The following RIMS2 variants were observed in gnomAD, a reference collection of about 807,000 sequenced individuals.
RIMS2 encodes the protein regulating synaptic membrane exocytosis protein 2.
Under a neutral mutation model 174.4 loss-of-function variants are expected in RIMS2, and 59 were observed. The ratio of observed to expected loss-of-function variants is 0.34; its 90% CI spans 0.27 to 0.42. The LOEUF is 0.42. Among genes scored for constraint, RIMS2 ranks in the 10% least tolerant of loss-of-function variants. The pLI is 1.00. For missense variants in RIMS2, 1,620 were observed against 1,666.3 expected (o/e 0.97, Z 0.48); for synonymous variants, 606 against 572.5 (o/e 1.06, Z -0.84).
At chr8:104,081,249 C>T (rs1422410798) in intron 19 of RIMS2, among the ~76,000 whole-genome samples, 2 of 151,796 alleles carry the variant, frequency 1.3e-5, no homozygotes, top group Non-Finnish European at 2.9e-5. Flanking sequence ...AAGCCCTTTT[C>T]GATTTTCTGC....
intron 1 of RIMS2, among the ~76,000 whole-genome samples, chr8:103,520,519 CAG>C (rs1683288205): frequency 6.6e-6 from 1 of 152,054 alleles, no homozygotes; most frequent in African/African-American, 2.4e-5. Context: ...AAAAAATAAA[CAG>C]TGTGCTGAAA....
intron 3 of RIMS2, among the ~76,000 whole-genome samples, chr8:103,831,595 A>T (rs1453060470): frequency 2.6e-5 from 4 of 152,118 alleles, no homozygotes; most frequent in Non-Finnish European, 5.9e-5. Context: ...TTTCATAATG[A>T]TATGAAATCT....
intron 19 of RIMS2, among the ~76,000 whole-genome samples, chr8:104,202,851 G>C (rs1455690364): frequency 6.6e-6 from 1 of 152,168 alleles, no homozygotes; most frequent in Non-Finnish European, 1.5e-5. Context: ...TAACACATGT[G>C]AAGAGATATA....
chr8:103,585,365 A>T (rs756241248), intron 1 of RIMS2, among the ~76,000 whole-genome samples: 3 of 152,132 alleles, frequency 2.0e-5, no homozygotes, highest in Admixed American at 6.6e-5. Context: ...TGTTTGACCC[A>T]GCAATCCCAT....
intron 19 of RIMS2, among the ~76,000 whole-genome samples, chr8:104,020,513 ATACT>A (rs2096061266): frequency 6.6e-6 from 1 of 152,044 alleles, no homozygotes; most frequent in African/African-American, 2.4e-5. Flanking sequence ...AGTCTTCAAA[ATACT>A]TACCTTTAAT....
intron 1 of RIMS2, among the ~76,000 whole-genome samples, chr8:103,578,454 C>A (rs999780614): frequency 6.6e-6 from 1 of 151,954 alleles, no homozygotes; most frequent in Non-Finnish European, 1.5e-5. Context: ...TCATTTGAGC[C>A]TGGGAGTTGA....
intron 2 of RIMS2, among the ~76,000 whole-genome samples, chr8:103,729,479 G>A (rs369429432): frequency 1.1e-4 from 17 of 151,540 alleles, no homozygotes; most frequent in African/African-American, 3.9e-4. Flanking sequence ...TTCTTAGTCT[G>A]GCTAAAGGTT....
intron 19 of RIMS2, among the ~76,000 whole-genome samples, chr8:104,243,967 T>C (rs1588151281): frequency 6.6e-6 from 1 of 152,164 alleles, no homozygotes; most frequent in Non-Finnish European, 1.5e-5. Context: ...TAAATGCACA[T>C]GGTCATCCCT....
intron 3 of RIMS2, among the ~76,000 whole-genome samples, chr8:103,784,394 G>A (rs1019127867): frequency 1.3e-5 from 2 of 149,446 alleles, no homozygotes; most frequent in African/African-American, 4.9e-5. Context: ...GGGTTTTTAT[G>A]GTTTTAGGTG....
At chr8:104,043,491 G>A (rs2096643495) in intron 19 of RIMS2, among the ~76,000 whole-genome samples, 1 of 151,592 alleles carries the variant, frequency 6.6e-6, no homozygotes, top group Admixed American at 6.6e-5. Flanking sequence ...TGTCAAGGGT[G>A]GTTGGCAAGG....
intron 19 of RIMS2, among the ~76,000 whole-genome samples, chr8:104,081,083 A>G: frequency 6.6e-6 from 1 of 152,016 alleles, no homozygotes; most frequent in Non-Finnish European, 1.5e-5. Flanking sequence ...TGATGGATGA[A>G]TTAAAACTTA....
At chr8:103,549,735 G>A (rs1257833238) in intron 1 of RIMS2, among the ~76,000 whole-genome samples, 2 of 152,106 alleles carry the variant, frequency 1.3e-5, no homozygotes, top group African/African-American at 4.8e-5. Flanking sequence ...CATCTCACAT[G>A]CATAGACACA....
intron 19 of RIMS2, among the ~76,000 whole-genome samples, chr8:104,163,364 T>C (rs2098775824): frequency 6.6e-6 from 1 of 152,230 alleles, no homozygotes; most frequent in Admixed American, 6.5e-5. Context: ...TGCCAACTAT[T>C]GTCCTCCTCA....
At chr8:104,235,494 G>C (rs969521464) in intron 19 of RIMS2, among the ~76,000 whole-genome samples, 3 of 151,940 alleles carry the variant, frequency 2.0e-5, no homozygotes, top group African/African-American at 7.2e-5. Context: ...TGAAACAATA[G>C]CTCTTTCCCT....
At chr8:103,830,043 A>G (rs1029806213) in intron 3 of RIMS2, among the ~76,000 whole-genome samples, 4 of 152,056 alleles carry the variant, frequency 2.6e-5, no homozygotes, top group African/African-American at 9.7e-5. Context: ...TATAAATTTC[A>G]TATTTCTTTA....
intron 1 of RIMS2, among the ~76,000 whole-genome samples, chr8:103,609,822 T>C (rs1401170474): frequency 6.6e-6 from 1 of 152,238 alleles, no homozygotes; most frequent in Admixed American, 6.5e-5. Flanking sequence ...TGCTCTTTTT[T>C]GCTTCTGTAT....
intron 1 of RIMS2, among the ~76,000 whole-genome samples, chr8:103,649,261 T>A (rs981092454): frequency 6.6e-6 from 1 of 152,180 alleles, no homozygotes; most frequent in East Asian, 1.9e-4. Context: ...ACATTGAATA[T>A]TGGCCCCTAA....
intron 16 of RIMS2, among the ~76,000 whole-genome samples, chr8:103,980,784 T>C (rs1190521461): frequency 6.6e-6 from 1 of 152,170 alleles, no homozygotes; most frequent in Non-Finnish European, 1.5e-5. Context: ...TGCAGTGGCC[T>C]GACGGAACCC....
intron 3 of RIMS2, among the ~76,000 whole-genome samples, chr8:103,847,473 T>TA (rs2098974127): frequency 1.3e-5 from 2 of 152,218 alleles, no homozygotes; most frequent in South Asian, 4.1e-4. Context: ...TTAGTGTTTT[T>TA]ACTGCATTAA....
Sources: gnomAD v4.1 joint callset for allele counts (sites outside exome capture counted in the v4.1 genomes callset) on GRCh38, gnomAD v4.1.1 for gene constraint, MANE v1.5 for transcripts, NCBI Gene and HGNC (gene_info 2026-07-23, HGNC 2026-07-21) for gene names.